Variants in TMEM131L observed in about 807,000 individuals in gnomAD.
The protein encoded by TMEM131L is transmembrane protein 131-like.
A neutral mutation model predicts 192.2 loss-of-function variants in TMEM131L; 54 were observed. That is an observed-to-expected ratio of 0.28 (90% CI 0.23 to 0.35). The LOEUF (loss-of-function observed/expected upper bound fraction) is 0.35. Among genes scored for constraint, TMEM131L ranks in the 10% least tolerant of loss-of-function variants. The pLI is 1.00. For synonymous variants in TMEM131L, 701 were observed against 704.9 expected, an observed-to-expected ratio of 0.99 and a Z score of 0.09; for missense variants, 1,888 against 1,972.9, an observed-to-expected ratio of 0.96 and a Z score of 0.82.
intron 21 of TMEM131L, among the ~76,000 whole-genome samples, chr4:153,600,543 G>A (rs1731767203): frequency 6.6e-6 from 1 of 152,216 alleles, no homozygotes; most frequent in South Asian, 2.1e-4. Context: ...GTATTTAAAC[G>A]AAATGCCTTT....
Position 153,603,425 on chromosome 4 carries a change from T to C in TMEM131L, c.2762T>C (p.Met921Thr), listed in dbSNP as rs1353752018. ...TCTTCACAGCAAAACAATGGTCCTA[T>C]GGATGTAATCAGCCCCCATTCTTAC... The part of the protein sequence containing the change: ...SSSSQQNNGP[M>T]DVISPHSYKS... Residue 921 changes from methionine (M) to threonine (T), a missense_variant, in exon 24 of 35, where the codon ATG becomes ACG. Transcript: ENST00000409959. The C allele has an allele frequency of 1.9e-6, 3 of 1,613,968 alleles. No individual in the cohort carries two copies. The highest frequency in any genetic ancestry group is 2.5e-6 in the Non-Finnish European group (3 of 1,179,962).
chr4:153,549,959 A>C, intron 3 of TMEM131L, 114 bp from the exon 4 acceptor site: 1 of 462,658 alleles, frequency 2.2e-6, no homozygotes, highest in Non-Finnish European at 3.9e-6. Flanking sequence ...TTTAAAATCT[A>C]TGAGGGAGTA....
chr4:153,557,326 A>T, intron 6 of TMEM131L, among the ~76,000 whole-genome samples: 1 of 152,198 alleles, frequency 6.6e-6, no homozygotes, highest in East Asian at 1.9e-4. Context: ...GGATACTAGA[A>T]CAAAGCAAAG....
intron 7 of TMEM131L, among the ~76,000 whole-genome samples, chr4:153,571,773 C>T (rs1449116975): frequency 6.6e-6 from 1 of 152,138 alleles, no homozygotes; most frequent in Non-Finnish European, 1.5e-5. Flanking sequence ...GTTGCCCAGG[C>T]TGGTTTCAAA....
chr4:153,584,069 G>A (rs1376008046), intron 11 of TMEM131L, among the ~76,000 whole-genome samples: 3 of 152,206 alleles, frequency 2.0e-5, no homozygotes, highest in African/African-American at 7.2e-5. Context: ...AGATATGTAT[G>A]TATTCAAAAC....
intron 29 of TMEM131L, among the ~76,000 whole-genome samples, chr4:153,625,821 T>C (rs1285175651): frequency 6.6e-6 from 1 of 151,908 alleles, no homozygotes; most frequent in Non-Finnish European, 1.5e-5. Context: ...GGCAGGAGAA[T>C]TGGTTGAACC....
At chr4:153,571,095 GTT>G (rs1729560082) in intron 7 of TMEM131L, among the ~76,000 whole-genome samples, 1 of 151,442 alleles carries the variant, frequency 6.6e-6, no homozygotes, top group Admixed American at 6.6e-5. Context: ...TTTTCGGTGT[GTT>G]CTCCCAAAGC....
chr4:153,614,530 G>C (rs1732843577), intron 26 of TMEM131L, among the ~76,000 whole-genome samples: 1 of 152,162 alleles, frequency 6.6e-6, no homozygotes. Context: ...GGGGGCGGCG[G>C]GGTGGACAGT....
chr4:153,556,944 T>TC (rs757875956), intron 5 of TMEM131L, 22 bp from the exon 6 acceptor site: 10 of 1,199,260 alleles, frequency 8.3e-6, no homozygotes, highest in Non-Finnish European at 1.2e-5. Context: ...TCCAAGTGGC[T>TC]GACTGGGGAC....
intron 3 of TMEM131L, among the ~76,000 whole-genome samples, chr4:153,516,840 T>G (rs1734768643): frequency 6.6e-6 from 1 of 152,170 alleles, no homozygotes; most frequent in Admixed American, 6.5e-5. Context: ...ATTATTATTC[T>G]TTTGAGACGG....
chr4:153,527,657 A>G (rs1735595195), intron 3 of TMEM131L, among the ~76,000 whole-genome samples: 1 of 152,180 alleles, frequency 6.6e-6, no homozygotes, highest in South Asian at 2.1e-4. Flanking sequence ...CCCTGATTTA[A>G]TGTTTACTTC....
At chr4:153,566,520 T>A (rs925459674) in intron 7 of TMEM131L, among the ~76,000 whole-genome samples, 2 of 109,460 alleles carry the variant, frequency 1.8e-5, no homozygotes, top group African/African-American at 1.8e-4. Flanking sequence ...TGAGTGTGAG[T>A]GTGTGTGTGT....
Position 153,626,698 on chromosome 4 carries a change from G to A in TMEM131L, c.4124+473G>A, listed in dbSNP as rs187302428. ...GAGGATCCCTTGATCCCAGGAGATC[G>A]AGGCTGCAATGAGCTATGATCACAC... On this transcript the variant is annotated intron_variant, in intron 30 of 34. Coordinates refer to ENST00000409959, the MANE Select transcript of TMEM131L (RefSeq NM_001131007.2). 7.1e-4 allele frequency among the ~76,000 whole-genome samples: 108 copies of A among 152,326 alleles called. 1 individual carries two copies. The highest frequency in any genetic ancestry group is 2.6e-4 in the Admixed American group (4 of 15,308).
intron 33 of TMEM131L, among the ~76,000 whole-genome samples, 178 bp from the exon 34 acceptor site, chr4:153,635,254 T>C (rs1208683763): frequency 6.6e-6 from 1 of 152,214 alleles, no homozygotes; most frequent in Non-Finnish European, 1.5e-5. Context: ...GTGTGTCTGA[T>C]AAAAAGTTTT....
intron 3 of TMEM131L, among the ~76,000 whole-genome samples, chr4:153,523,550 GGAA>G (rs553193109): frequency 2.6e-5 from 4 of 152,204 alleles, no homozygotes; most frequent in South Asian, 2.1e-4. Context: ...AAGTCTTTGA[GGAA>G]GAAGAATTGA....
intron 3 of TMEM131L, among the ~76,000 whole-genome samples, chr4:153,542,002 G>A (rs72971058): frequency 0.099 from 15,007 of 152,224 alleles, 2,185 homozygotes; most frequent in African/African-American, 0.32. Flanking sequence ...AGTGGGGCTA[G>A]GTAAAACTAG....
chr4:153,609,779 C>T (rs1165226487), intron 25 of TMEM131L, among the ~76,000 whole-genome samples: 1 of 152,150 alleles, frequency 6.6e-6, no homozygotes, highest in East Asian at 1.9e-4. Context: ...TCCATTTTCT[C>T]ACAAATTAGG....
intron 18 of TMEM131L, 100 bp downstream of exon 18, chr4:153,592,684 A>G: frequency 1.2e-6 from 1 of 825,742 alleles, no homozygotes; most frequent in Non-Finnish European, 2.0e-6. Context: ...CTGTGTGTGG[A>G]TGTGGACACA....
At chr4:153,502,682 T>C (rs1299149240) in intron 3 of TMEM131L, among the ~76,000 whole-genome samples, 1 of 152,254 alleles carries the variant, frequency 6.6e-6, no homozygotes, top group African/African-American at 2.4e-5. Context: ...ATTGAAACTA[T>C]CTTATGACAC....
Sources: gnomAD v4.1 joint callset for allele counts (sites outside exome capture counted in the v4.1 genomes callset) on GRCh38, gnomAD v4.1.1 for gene constraint, MANE v1.5 for transcripts, NCBI Gene and HGNC (gene_info 2026-07-23, HGNC 2026-07-21) for gene names.